The following KHDC1 variants were observed in gnomAD, a reference collection of about 807,000 sequenced individuals.
KHDC1 encodes KH domain containing 1.
Under a neutral mutation model 24.7 loss-of-function variants are expected in KHDC1, and 21 were observed. That is an observed-to-expected ratio of 0.85 (90% CI 0.60 to 1.23). The LOEUF (loss-of-function observed/expected upper bound fraction) is 1.23. Ranked by LOEUF, KHDC1 falls within the 50% of genes most tolerant of loss-of-function variation. The pLI is 0.00. For missense variants in KHDC1, 274 were observed against 298.5 expected (o/e 0.92, Z 0.61); for synonymous variants, 98 against 111.7 (o/e 0.88, Z 0.77).
chr6:73,248,391 C>A (rs935814288), intron 2 of KHDC1, among the ~76,000 whole-genome samples: 2 of 151,670 alleles, frequency 1.3e-5, no homozygotes, highest in Non-Finnish European at 2.9e-5. Context: ...TCTCCTCTAT[C>A]TGTCTCTCTC....
intron 2 of KHDC1, among the ~76,000 whole-genome samples, chr6:73,251,057 C>T (rs1443083522): frequency 1.3e-5 from 2 of 152,070 alleles, no homozygotes; most frequent in Non-Finnish European, 1.5e-5. Context: ...AAACTCCTGA[C>T]CTCAAGCGAT....
intron 2 of KHDC1, among the ~76,000 whole-genome samples, chr6:73,259,161 A>G (rs1006276810): frequency 1.3e-5 from 2 of 151,612 alleles, no homozygotes; most frequent in African/African-American, 4.8e-5. Context: ...GAATATTTTG[A>G]GATTCAGATA....
chr6:73,286,912 T>C (rs1767533878), intron 2 of KHDC1, among the ~76,000 whole-genome samples: 1 of 151,672 alleles, frequency 6.6e-6, no homozygotes, highest in Non-Finnish European at 1.5e-5. Flanking sequence ...AGATACTGCT[T>C]TCAGGATTTA....
chr6:73,244,278 A>C (rs1766625609), intron 2 of KHDC1, among the ~76,000 whole-genome samples: 1 of 152,200 alleles, frequency 6.6e-6, no homozygotes. Flanking sequence ...GGGGTGTATA[A>C]GTGTCATTTA....
chr6:73,255,765 G>A (rs936947516), intron 2 of KHDC1, among the ~76,000 whole-genome samples: 2 of 151,492 alleles, frequency 1.3e-5, no homozygotes, highest in Admixed American at 6.6e-5. Flanking sequence ...AACTGGGCAC[G>A]GTGGCGGGCA....
At chr6:73,306,871 T>C (rs1457713506) in intron 1 of KHDC1, among the ~76,000 whole-genome samples, 1 of 151,688 alleles carries the variant, frequency 6.6e-6, no homozygotes, top group African/African-American at 2.4e-5. Flanking sequence ...TAGCCAGGTG[T>C]GGTGGCGCAC....
chr6:73,258,521 G>A, intron 2 of KHDC1, among the ~76,000 whole-genome samples: 1 of 152,144 alleles, frequency 6.6e-6, no homozygotes, highest in Non-Finnish European at 1.5e-5. Context: ...TGACCTACAA[G>A]AAAGAGTCAA....
chr6:73,255,296 T>G (rs1260881462), intron 2 of KHDC1, among the ~76,000 whole-genome samples: 2 of 148,114 alleles, frequency 1.4e-5, no homozygotes, highest in Admixed American at 6.8e-5. Context: ...CTTGGCTCAC[T>G]GCAGCCTCTG....
chr6:73,288,032 A>G (rs1374254283), intron 2 of KHDC1, among the ~76,000 whole-genome samples: 2 of 152,218 alleles, frequency 1.3e-5, no homozygotes, highest in Admixed American at 1.3e-4. Context: ...CCAGTATTAC[A>G]TCCCAGGGGG....
intron 2 of KHDC1, among the ~76,000 whole-genome samples, chr6:73,280,675 C>T (rs942780154): frequency 6.6e-5 from 10 of 151,866 alleles, no homozygotes; most frequent in Non-Finnish European, 1.2e-4. Context: ...CATGCACCAC[C>T]ACACACAGCT....
At chr6:73,274,020 C>T (rs967648545) in intron 2 of KHDC1, 1 of 152,046 alleles carries the variant, frequency 6.6e-6, no homozygotes, top group African/African-American at 2.4e-5. Context: ...GGGAAGATTG[C>T]TTGAATTTCG....
At chr6:73,248,705 T>A (rs1766720521) in intron 2 of KHDC1, among the ~76,000 whole-genome samples, 1 of 152,150 alleles carries the variant, frequency 6.6e-6, no homozygotes, top group Non-Finnish European at 1.5e-5. Flanking sequence ...CTCTTCCACT[T>A]GATTCTTTCG....
intron 1 of KHDC1, chr6:73,293,397 G>A (rs1767695530): frequency 2.7e-5 from 10 of 366,656 alleles, no homozygotes; most frequent in Non-Finnish European, 4.7e-5. Context: ...GTGAAGAATT[G>A]GAATAAAATT....
exon 3 of KHDC1, chr6:73,242,494 G>A (rs1164236437): frequency 1.1e-5 from 17 of 1,614,070 alleles, no homozygotes; most frequent in Non-Finnish European, 1.4e-5. Context: ...GCTTCTTGCT[G>A]AGAGCACTCG....
intron 2 of KHDC1, among the ~76,000 whole-genome samples, chr6:73,254,894 C>T (rs149726776): frequency 6.6e-6 from 1 of 151,736 alleles, no homozygotes; most frequent in Admixed American, 6.6e-5. Context: ...CCTAGCTACT[C>T]GGGAGGCTGA....
rs113993420 is a variant in KHDC1 at position 73,305,415 on chromosome 6, T to G, written c.163+4137A>C. 2.1e-3 allele frequency among the ~76,000 whole-genome samples: 327 copies of G among 152,188 alleles called. 2 individuals are homozygous for G. Among genetic ancestry groups the G allele is most frequent in the Middle Eastern group, 6.8e-3 (2 of 294 alleles). ...GAGCCAAGATTCAAACCTCAACTTT[T>G]CCATTTACTGGATGAGTGACTTTAG... On this transcript the variant is annotated intron_variant, in intron 1 of 4. Coordinates refer to ENST00000370384, the Ensembl canonical transcript of KHDC1.
At chr6:73,299,915 A>C (rs1164945276) in intron 1 of KHDC1, 1 of 152,428 alleles carries the variant, frequency 6.6e-6, no homozygotes, top group African/African-American at 2.4e-5. Context: ...ACGCAGGGAC[A>C]AAGTACACAG....
intron 2 of KHDC1, chr6:73,291,905 C>T: frequency 7.1e-7 from 1 of 1,399,862 alleles, no homozygotes; most frequent in Non-Finnish European, 9.9e-7. Flanking sequence ...ACATGCACCT[C>T]CTGAATCTAT....
chr6:73,242,971 A>G (rs1361401917), intron 2 of KHDC1, among the ~76,000 whole-genome samples: 2 of 152,138 alleles, frequency 1.3e-5, no homozygotes, highest in African/African-American at 4.8e-5. Context: ...TGCTGCATCA[A>G]GGGAGAGCAA....
Sources: gnomAD v4.1 joint callset for allele counts (sites outside exome capture counted in the v4.1 genomes callset) on GRCh38, gnomAD v4.1.1 for gene constraint, MANE v1.5 for transcripts, NCBI Gene and HGNC (gene_info 2026-07-23, HGNC 2026-07-21) for gene names.